LEMD3: variants seen among roughly 807,000 people sequenced by gnomAD.
LEMD3 encodes the protein inner nuclear membrane protein Man1.
LEMD3 carries 33 observed loss-of-function variants against 95.2 expected under a neutral mutation model. The ratio of observed to expected loss-of-function variants is 0.35; its 90% confidence interval spans 0.26 to 0.46. LEMD3 has a LOEUF of 0.46. Among genes scored for constraint, LEMD3 ranks in the 20% least tolerant of loss-of-function variants. LEMD3 has a pLI of 1.00. For missense variants in LEMD3, 1,210 were observed against 1,192.8 expected, an observed-to-expected ratio of 1.01 and a Z score of -0.21; for synonymous variants, 525 against 474.6, an observed-to-expected ratio of 1.11 and a Z score of -1.38.
At chr12:65,232,563 T>C (rs1018457961) in intron 4 of LEMD3, among the ~76,000 whole-genome samples, 17 of 152,186 alleles carry the variant, frequency 1.1e-4, no homozygotes, top group Non-Finnish European at 2.5e-4. Flanking sequence ...GAAATTTAAA[T>C]AAACTTAATA....
At chr12:65,235,245 A>G (rs973752803) in intron 4 of LEMD3, among the ~76,000 whole-genome samples, 2 of 152,166 alleles carry the variant, frequency 1.3e-5, no homozygotes, top group African/African-American at 4.8e-5. Flanking sequence ...GATAACCTAT[A>G]TTAATCTTGC....
intron 2 of LEMD3, among the ~76,000 whole-genome samples, chr12:65,214,222 G>T (rs944034064): frequency 6.6e-6 from 1 of 151,948 alleles, no homozygotes. Flanking sequence ...ATGCCACCAC[G>T]CTCAGCTCAT....
chr12:65,188,359 G>A, intron 1 of LEMD3, among the ~76,000 whole-genome samples: 1 of 152,132 alleles, frequency 6.6e-6, no homozygotes, highest in East Asian at 1.9e-4. Context: ...GTTTATTTGA[G>A]CAAAGGATGA....
chr12:65,238,899 T>C (rs1217641296), intron 6 of LEMD3, 85 bp downstream of exon 6: 5 of 1,344,716 alleles, frequency 3.7e-6, no homozygotes, highest in Non-Finnish European at 5.3e-6. Flanking sequence ...GAGAATTCAT[T>C]TTTGTGATGG....
intron 4 of LEMD3, among the ~76,000 whole-genome samples, chr12:65,222,305 G>T (rs1378687180): frequency 6.6e-6 from 1 of 152,042 alleles, no homozygotes; most frequent in East Asian, 1.9e-4. Context: ...ATATGATCCT[G>T]GTGTGTGATC....
intron 1 of LEMD3, among the ~76,000 whole-genome samples, chr12:65,173,324 T>C (rs1488937214): frequency 6.6e-6 from 1 of 152,204 alleles, no homozygotes; most frequent in Non-Finnish European, 1.5e-5. Flanking sequence ...TGTGGTGTAC[T>C]AAAAGTTCAG....
chr12:65,170,656 G>C lies in LEMD3; in HGVS notation c.1060G>C (p.Val354Leu), dbSNP rs758022128. 7 of 1,614,136 alleles carry C rather than the reference G, an allele frequency of 4.3e-6. No individual in the cohort carries two copies. Among genetic ancestry groups the C allele is most frequent in the Non-Finnish European group, 5.9e-6 (7 of 1,180,012 alleles). The change falls in exon 1 of 13, where the codon GTT (valine) becomes CTT (leucine). Residue 354 changes from valine (V) to leucine (L), a missense_variant. Around this residue, in one of 2 missense-constraint regions of LEMD3, gnomAD observed 749 missense variants for 622.9 expected, o/e 1.20. Transcript: ENST00000308330. ...GGCDQVDSSP[V>L]PRYRVNAKKL... The stretch of plus-strand genomic sequence containing the variant: ...GTGTGATCAAGTGGACTCCAGCCCC[G>C]TTCCTAGATACCGTGTTAACGCTAA...
intron 1 of LEMD3, among the ~76,000 whole-genome samples, chr12:65,176,745 A>G (rs1868732100): frequency 6.6e-6 from 1 of 152,216 alleles, no homozygotes; most frequent in Non-Finnish European, 1.5e-5. Flanking sequence ...CTATCTGAGG[A>G]TGACTTGTAT....
intron 1 of LEMD3, among the ~76,000 whole-genome samples, chr12:65,184,698 A>G (rs1183533500): frequency 1.3e-5 from 2 of 152,138 alleles, no homozygotes; most frequent in African/African-American, 4.8e-5. Flanking sequence ...TAAACGTTTT[A>G]TGCTCATTCG....
intron 1 of LEMD3, among the ~76,000 whole-genome samples, chr12:65,182,690 A>G (rs1252688085): frequency 6.6e-6 from 1 of 152,178 alleles, no homozygotes; most frequent in Non-Finnish European, 1.5e-5. Flanking sequence ...TGATCACTAA[A>G]AGGTAGATTT....
intron 1 of LEMD3, among the ~76,000 whole-genome samples, chr12:65,193,559 C>G (rs920561734): frequency 2.0e-5 from 3 of 152,108 alleles, no homozygotes; most frequent in African/African-American, 7.2e-5. Flanking sequence ...AATGCATATG[C>G]TGGAGCCCAC....
intron 4 of LEMD3, among the ~76,000 whole-genome samples, chr12:65,221,790 G>T (rs1238960679): frequency 6.8e-6 from 1 of 147,870 alleles, no homozygotes. Flanking sequence ...GCCCAGGCTG[G>T]AGTGCAGTGG....
chr12:65,237,732 A>G (rs572185938), intron 4 of LEMD3, among the ~76,000 whole-genome samples: 1 of 152,338 alleles, frequency 6.6e-6, no homozygotes, highest in South Asian at 2.1e-4. Flanking sequence ...TCCAGGTCAC[A>G]AAGATGAATG....
Position 65,240,891 on chromosome 12 carries a change from A to AT in LEMD3, c.2127-14dup. 1 of 1,613,026 alleles carries AT rather than the reference A, an allele frequency of 6.2e-7. No individual in the cohort carries two copies. Among genetic ancestry groups the AT allele is most frequent in the Non-Finnish European group, 8.5e-7 (1 of 1,179,024 alleles). ...AAGCCAAGATGATAGTAAATTTGCC[A>AT]TTTTGTTCACATGATAGGAAAAAAA... On this transcript the variant is annotated splice_polypyrimidine_tract_variant and intron_variant, in intron 8 of 12. Coordinates refer to ENST00000308330, the MANE Select transcript of LEMD3 (RefSeq NM_014319.5).
chr12:65,214,024 A>G (rs1370530207), intron 2 of LEMD3, among the ~76,000 whole-genome samples: 2 of 152,188 alleles, frequency 1.3e-5, no homozygotes, highest in African/African-American at 2.4e-5. Context: ...TTGTGGTTTA[A>G]TGTATCACAA....
At chr12:65,172,476 G>A (rs902796300) in intron 1 of LEMD3, among the ~76,000 whole-genome samples, 1 of 152,110 alleles carries the variant, frequency 6.6e-6, no homozygotes, top group Non-Finnish European at 1.5e-5. Context: ...TTCCGAGACA[G>A]TCAAATAATA....
intron 4 of LEMD3, among the ~76,000 whole-genome samples, chr12:65,232,121 A>G (rs1870647973): frequency 6.6e-6 from 1 of 152,182 alleles, no homozygotes; most frequent in African/African-American, 2.4e-5. Context: ...ATGTTGCTAT[A>G]TTAATTCCCA....
rs745655839 is a variant in LEMD3 at position 65,245,679 on chromosome 12, G to T, written c.2398G>T (p.Asp800Tyr). 2 of 1,612,714 alleles carry T rather than the reference G, an allele frequency of 1.2e-6. No individual in the cohort carries two copies. Among genetic ancestry groups the T allele is most frequent in the East Asian group, 2.2e-5 (1 of 44,806 alleles). ...NMFDPVMEIGDQWHLAIQEAI... is the reference protein window; with the variant it reads ...NMFDPVMEIGYQWHLAIQEAI... Reference sequence around the variant, plus strand: ...TTCATTAACTTTTAGGGAAATAGGGGATCAGTGGCATTTGGCAATTCAAGA... The same window carrying T: ...TTCATTAACTTTTAGGGAAATAGGGTATCAGTGGCATTTGGCAATTCAAGA... The change falls in exon 11 of 13, where the codon GAT becomes TAT. Residue 800 changes from aspartate (D) to tyrosine (Y), a missense_variant. By Grantham distance (160) the Asp-to-Tyr change is radical (BLOSUM62 -3). Coordinates refer to ENST00000308330, the MANE Select transcript of LEMD3 (RefSeq NM_014319.5).
At chr12:65,178,535 G>GA (rs1480470188) in intron 1 of LEMD3, among the ~76,000 whole-genome samples, 1 of 152,102 alleles carries the variant, frequency 6.6e-6, no homozygotes, top group African/African-American at 2.4e-5. Context: ...ATCCTCATAT[G>GA]AAAAATAGGT....
Sources: gnomAD v4.1 joint callset for allele counts (sites outside exome capture counted in the v4.1 genomes callset) on GRCh38, gnomAD v4.1.1 for gene constraint, gnomAD v4.1.1 regional missense constraint, MANE v1.5 for transcripts, NCBI Gene and HGNC (gene_info 2026-07-23, HGNC 2026-07-21) for gene names.